Variants in TRABD2B observed in about 807,000 individuals in gnomAD.
The protein encoded by TRABD2B is TraB domain containing 2B, also known as metalloprotease TIKI2.
Under a neutral mutation model 40.1 loss-of-function variants are expected in TRABD2B, and 14 were observed. The ratio of observed to expected loss-of-function variants is 0.35; its 90% confidence interval spans 0.23 to 0.55. The LOEUF (loss-of-function observed/expected upper bound fraction) is 0.55, where lower values mean the gene tolerates loss of function less well. Among genes scored for constraint, TRABD2B ranks in the 20% least tolerant of loss-of-function variants. TRABD2B has a pLI of 0.90. For synonymous variants in TRABD2B, 263 were observed against 277.0 expected (o/e 0.95, Z 0.50); for missense variants, 541 against 648.6 (o/e 0.83, Z 1.80).
At chr1:47,836,614 G>A in intron 2 of TRABD2B, among the ~76,000 whole-genome samples, 1 of 152,178 alleles carries the variant, frequency 6.6e-6, no homozygotes, top group East Asian at 1.9e-4. Context: ...AATCCAAGAG[G>A]GCAGTGATGC....
At chr1:47,900,084 G>A (rs1256737987) in intron 2 of TRABD2B, among the ~76,000 whole-genome samples, 1 of 152,106 alleles carries the variant, frequency 6.6e-6, no homozygotes, top group East Asian at 1.9e-4. Flanking sequence ...CCACCCCCAA[G>A]GACCTCCCTA....
intron 2 of TRABD2B, among the ~76,000 whole-genome samples, chr1:47,943,049 A>C (rs1422486161): frequency 6.6e-6 from 1 of 152,212 alleles, no homozygotes; most frequent in Non-Finnish European, 1.5e-5. Flanking sequence ...TCAAAGTCCA[A>C]TCATTTGGTT....
chr1:47,911,466 C>T (rs1644761843), intron 2 of TRABD2B, among the ~76,000 whole-genome samples: 2 of 152,198 alleles, frequency 1.3e-5, no homozygotes, highest in African/African-American at 4.8e-5. Flanking sequence ...GTGACTTTCT[C>T]CTTAGATAAA....
chr1:47,850,190 A>G (rs1308205270), intron 2 of TRABD2B, among the ~76,000 whole-genome samples: 2 of 152,208 alleles, frequency 1.3e-5, no homozygotes, highest in Non-Finnish European at 2.9e-5. Context: ...GATGCTGTAG[A>G]CTTCTCACAG....
intron 2 of TRABD2B, among the ~76,000 whole-genome samples, chr1:47,810,325 C>T (rs1161310343): frequency 6.6e-6 from 1 of 152,138 alleles, no homozygotes; most frequent in Non-Finnish European, 1.5e-5. Flanking sequence ...CTGCCTTAGC[C>T]TCCCAATAAA....
At chr1:47,866,379 G>A (rs1371519559) in intron 2 of TRABD2B, among the ~76,000 whole-genome samples, 2 of 152,122 alleles carry the variant, frequency 1.3e-5, no homozygotes, top group Admixed American at 6.5e-5. Context: ...GAAGATCAGA[G>A]AAGGCTCAAG....
In TRABD2B at chr1:47,768,891, G is replaced by A. The variant is rs547359979; in HGVS notation, c.1350-2785C>T. ...CCCCTTTCTAAGGTGTGGAAACTGAGCTTGAAGGACTTCAGATTTCTTGCA... is the reference window on the plus strand; with the variant it reads ...CCCCTTTCTAAGGTGTGGAAACTGAACTTGAAGGACTTCAGATTTCTTGCA... On this transcript the variant is annotated intron_variant, in intron 6 of 6. Coordinates refer to ENST00000606738, the MANE Select transcript of TRABD2B (RefSeq NM_001194986.2). 7.0e-3 allele frequency among the ~76,000 whole-genome samples: 1,070 copies of A among 152,364 alleles called. 13 individuals are homozygous for A. The highest frequency in any genetic ancestry group is 0.024 in the African/African-American group (1,004 of 41,584).
Position 47,939,528 on chromosome 1 carries a change from T to C in TRABD2B, c.666+54506A>G, listed in dbSNP as rs139858279. On this transcript the variant is annotated intron_variant, in intron 2 of 6. Coordinates refer to ENST00000606738, the MANE Select transcript of TRABD2B (RefSeq NM_001194986.2). ...TGTTCTCTGTTCTGTCTGAGTTCTC[T>C]TTTAGTCCTCTCAACAGCCCTATGA... 3.2e-3 allele frequency among the ~76,000 whole-genome samples: 495 copies of C among 152,326 alleles called. 3 individuals carry two copies. The highest frequency in any genetic ancestry group is 4.5e-3 in the Non-Finnish European group (307 of 68,030).
intron 2 of TRABD2B, among the ~76,000 whole-genome samples, chr1:47,964,660 A>G (rs1283372096): frequency 6.6e-6 from 1 of 152,124 alleles, no homozygotes; most frequent in African/African-American, 2.4e-5. Flanking sequence ...GCCTCTAGCA[A>G]TTTGTTTTTA....
intron 6 of TRABD2B, among the ~76,000 whole-genome samples, chr1:47,768,523 C>T (rs1644336053): frequency 6.6e-6 from 1 of 152,206 alleles, no homozygotes; most frequent in African/African-American, 2.4e-5. Flanking sequence ...GAAGGCCAGA[C>T]TCAATGCCCT....
intron 2 of TRABD2B, among the ~76,000 whole-genome samples, chr1:47,805,411 G>T (rs899336143): frequency 3.3e-5 from 5 of 152,140 alleles, no homozygotes; most frequent in African/African-American, 1.2e-4. Context: ...GGAGTGTGGT[G>T]GGGCCAGGAC....
chr1:47,905,672 C>T (rs900842062), intron 2 of TRABD2B, among the ~76,000 whole-genome samples: 2 of 152,210 alleles, frequency 1.3e-5, no homozygotes, highest in African/African-American at 4.8e-5. Context: ...TTTTCTCTCT[C>T]TGTATGTCTA....
chr1:47,909,706 A>C (rs1304746085), intron 2 of TRABD2B, among the ~76,000 whole-genome samples: 5 of 149,152 alleles, frequency 3.4e-5, no homozygotes, highest in Non-Finnish European at 7.5e-5. Context: ...ATCCGCCTCC[A>C]TGACCCAAAC....
intron 2 of TRABD2B, among the ~76,000 whole-genome samples, chr1:47,820,727 T>C (rs1645095080): frequency 6.6e-6 from 1 of 151,362 alleles, no homozygotes; most frequent in South Asian, 2.1e-4. Context: ...CAGGTGGGAA[T>C]AGCAACGTTA....
intron 2 of TRABD2B, among the ~76,000 whole-genome samples, chr1:47,901,892 G>A (rs1016579194): frequency 3.3e-5 from 5 of 152,140 alleles, no homozygotes; most frequent in Admixed American, 2.0e-4. Context: ...CACAGAGGAG[G>A]TGACATTGAA....
intron 2 of TRABD2B, among the ~76,000 whole-genome samples, chr1:47,825,986 G>C (rs1468043156): frequency 6.6e-6 from 1 of 152,220 alleles, no homozygotes; most frequent in Non-Finnish European, 1.5e-5. Flanking sequence ...ACAGAATGGA[G>C]ACCAGGTCTG....
chr1:47,805,147 C>G (rs769356094), intron 2 of TRABD2B, among the ~76,000 whole-genome samples: 7 of 152,132 alleles, frequency 4.6e-5, no homozygotes, highest in Non-Finnish European at 8.8e-5. Context: ...GGACTCAACC[C>G]CAACTCTTAA....
chr1:47,772,317 C>T (rs887493163), intron 6 of TRABD2B, among the ~76,000 whole-genome samples: 3 of 151,956 alleles, frequency 2.0e-5, no homozygotes, highest in African/African-American at 7.3e-5. Flanking sequence ...TGGCACCCCA[C>T]TCCAAGCAGA....
At chr1:47,895,171 C>A (rs1434185928) in intron 2 of TRABD2B, among the ~76,000 whole-genome samples, 1 of 152,140 alleles carries the variant, frequency 6.6e-6, no homozygotes, top group African/African-American at 2.4e-5. Context: ...GGGAGGAAGA[C>A]CTGAGTTTCA....
Sources: allele counts gnomAD v4.1 joint callset (sites outside exome capture counted in the v4.1 genomes callset), GRCh38; gene constraint gnomAD v4.1.1; transcripts MANE v1.5; gene names NCBI Gene and HGNC (gene_info 2026-07-23, HGNC 2026-07-21).